CSMD1: variants seen among roughly 807,000 people sequenced by gnomAD.
CSMD1 encodes the protein CUB and sushi domain-containing protein 1.
CSMD1 carries 213 observed loss-of-function variants against 417.5 expected under a neutral mutation model. The ratio of observed to expected loss-of-function variants is 0.51; its 90% CI spans 0.46 to 0.57. CSMD1 has a LOEUF of 0.57. Ranked by LOEUF, CSMD1 falls within the 20% of genes least tolerant of loss-of-function variation. The pLI, the probability that CSMD1 is intolerant of heterozygous loss-of-function variation, is 0.00. For synonymous variants in CSMD1, 2,862 were observed against 1,736.8 expected (o/e 1.65, Z -16.11); for missense variants, 6,923 against 4,529.7 (o/e 1.53, Z -15.17).
intron 3 of CSMD1, among the ~76,000 whole-genome samples, chr8:4,234,359 T>C (rs1035617511): frequency 3.3e-5 from 5 of 152,146 alleles, no homozygotes; most frequent in African/African-American, 9.7e-5. Context: ...GCAGCCTCTC[T>C]GCAGGAGTGG....
chr8:4,627,070 T>C (rs1207482539), intron 2 of CSMD1, among the ~76,000 whole-genome samples: 1 of 152,184 alleles, frequency 6.6e-6, no homozygotes, highest in East Asian at 1.9e-4. Context: ...ATAACTCACA[T>C]ATTTTGTATA....
intron 12 of CSMD1, among the ~76,000 whole-genome samples, chr8:3,426,704 C>A (rs2117002401): frequency 6.6e-6 from 1 of 152,278 alleles, no homozygotes; most frequent in East Asian, 1.9e-4. Flanking sequence ...ACCACTAAGT[C>A]AAATTATTGT....
intron 3 of CSMD1, among the ~76,000 whole-genome samples, chr8:4,046,147 T>C (rs1409459104): frequency 6.6e-6 from 1 of 152,130 alleles, no homozygotes; most frequent in Non-Finnish European, 1.5e-5. Flanking sequence ...GTATTATGTA[T>C]CATAAATTTA....
rs77880080 is a variant in CSMD1 at position 4,844,524 on chromosome 8, C to T, written c.85+149808G>A. 5.2e-3 allele frequency among the ~76,000 whole-genome samples: 785 copies of T among 152,246 alleles called. 11 individuals are homozygous for T. The highest frequency in any genetic ancestry group is 0.018 in the African/African-American group (752 of 41,538). On this transcript the variant is annotated intron_variant, in intron 1 of 69. Transcript: ENST00000635120. ...TTGGCCGCGTCAAGGTCAGGACTGC[C>T]TGCTGCGACTGGCTCGAGATTCAAT...
At chr8:3,728,966 C>A (rs970726493) in intron 6 of CSMD1, among the ~76,000 whole-genome samples, 1 of 152,196 alleles carries the variant, frequency 6.6e-6, no homozygotes, top group African/African-American at 2.4e-5. Context: ...GTTCGAATAT[C>A]TGCAGGGCTG....
At chr8:3,343,576 A>T in intron 22 of CSMD1, 126 bp from the exon 23 acceptor site, 1 of 784,780 alleles carries the variant, frequency 1.3e-6, no homozygotes, top group Admixed American at 3.2e-5. Flanking sequence ...CATATAGTTT[A>T]CAGAAAGATA....
At chr8:4,976,950 G>T (rs545820377) in intron 1 of CSMD1, among the ~76,000 whole-genome samples, 1 of 152,134 alleles carries the variant, frequency 6.6e-6, no homozygotes, top group Admixed American at 6.5e-5. Flanking sequence ...AGTGGAATGA[G>T]GGCAGATGCT....
intron 26 of CSMD1, among the ~76,000 whole-genome samples, chr8:3,283,460 A>G (rs1310167043): frequency 6.6e-6 from 1 of 152,152 alleles, no homozygotes; most frequent in Non-Finnish European, 1.5e-5. Context: ...TATGTAACTA[A>G]GTAGGTCCAT....
intron 1 of CSMD1, among the ~76,000 whole-genome samples, chr8:4,660,639 A>C (rs919909880): frequency 1.3e-5 from 2 of 151,848 alleles, no homozygotes; most frequent in African/African-American, 4.8e-5. Context: ...GTTCAGCAAA[A>C]TTAAAAACAT....
At chr8:3,830,116 G>A (rs943930734) in intron 5 of CSMD1, among the ~76,000 whole-genome samples, 11 of 152,138 alleles carry the variant, frequency 7.2e-5, no homozygotes. Context: ...TAAAGTGAAG[G>A]AGAGTAATTT....
At chr8:4,466,535 T>C (rs1292188368) in intron 2 of CSMD1, among the ~76,000 whole-genome samples, 1 of 152,196 alleles carries the variant, frequency 6.6e-6, no homozygotes, top group East Asian at 1.9e-4. Context: ...AAAGCTGTGT[T>C]TGGAAAACCA....
At chr8:2,953,713 A>T (rs1168796630) in intron 65 of CSMD1, among the ~76,000 whole-genome samples, 1 of 152,236 alleles carries the variant, frequency 6.6e-6, no homozygotes, top group Non-Finnish European at 1.5e-5. Flanking sequence ...TGCTTTTAGC[A>T]AAAGGTGCCA....
intron 36 of CSMD1, among the ~76,000 whole-genome samples, chr8:3,187,302 G>A (rs2097933466): frequency 6.6e-6 from 1 of 152,190 alleles, no homozygotes; most frequent in Non-Finnish European, 1.5e-5. Flanking sequence ...GAGATTGAAT[G>A]ACGCTCGAGG....
chr8:4,142,413 T>C lies in CSMD1; in HGVS notation c.416-110314A>G, dbSNP rs186203341. 2.6e-3 allele frequency among the ~76,000 whole-genome samples: 397 copies of C among 151,146 alleles called. 1 individual carries two copies. Among genetic ancestry groups the C allele is most frequent in the Non-Finnish European group, 4.5e-3 (308 of 68,012 alleles). On this transcript the variant is annotated intron_variant, in intron 3 of 69. Coordinates refer to ENST00000635120, the MANE Select transcript of CSMD1 (RefSeq NM_033225.6). ...GGACAGTTTTCTTTGGGTCAATATT[T>C]CTGCCTGCTACCATAACAGAACTAG...
At chr8:3,087,908 G>C (rs1008910261) in intron 48 of CSMD1, among the ~76,000 whole-genome samples, 17 of 152,190 alleles carry the variant, frequency 1.1e-4, no homozygotes, top group African/African-American at 4.1e-4. Context: ...TGTTTTTTAA[G>C]TGTTGTTAAA....
In CSMD1 at chr8:3,930,297, T is replaced by C. The variant is rs562559824; in HGVS notation, c.818+67606A>G. Among the ~76,000 whole-genome samples, 100 of 150,502 alleles carry C rather than the reference T, an allele frequency of 6.6e-4. 7 individuals are homozygous for C. The highest frequency in any genetic ancestry group is 2.2e-3 in the African/African-American group (88 of 40,850). On this transcript the variant is annotated intron_variant, in intron 5 of 69. Transcript: ENST00000635120. ...ATAGTAACTTCTCTTAGAAGCAAAC[T>C]TTATTCAAAGACCTGTGCTAACACT...
intron 8 of CSMD1, among the ~76,000 whole-genome samples, chr8:3,596,239 A>C (rs921087490): frequency 1.3e-5 from 2 of 152,142 alleles, no homozygotes; most frequent in Non-Finnish European, 2.9e-5. Context: ...CGTCCAGCTC[A>C]CACCTCCATC....
At chr8:3,040,551 T>C (rs1410215709) in intron 50 of CSMD1, among the ~76,000 whole-genome samples, 1 of 151,824 alleles carries the variant, frequency 6.6e-6, no homozygotes, top group Non-Finnish European at 1.5e-5. Flanking sequence ...ATGCCTGTAA[T>C]CCCAGCACTT....
chr8:4,935,672 C>G (rs775100646), intron 1 of CSMD1, among the ~76,000 whole-genome samples: 4 of 152,064 alleles, frequency 2.6e-5, no homozygotes, highest in Non-Finnish European at 5.9e-5. Flanking sequence ...ACTAAAGAAA[C>G]GAGTTTTACA....
Sources: allele counts gnomAD v4.1 joint callset (sites outside exome capture counted in the v4.1 genomes callset), GRCh38; gene constraint gnomAD v4.1.1; transcripts MANE v1.5; gene names NCBI Gene and HGNC (gene_info 2026-07-23, HGNC 2026-07-21).